NOP58: variants seen among roughly 807,000 people sequenced by gnomAD.
NOP58 encodes NOP58 ribonucleoprotein, also known as nucleolar protein 58.
Under a neutral mutation model 71.2 loss-of-function variants are expected in NOP58, and 44 were observed. That is an observed-to-expected ratio of 0.62 (90% CI 0.49 to 0.79). NOP58 has a LOEUF of 0.79. Ranked by LOEUF, NOP58 falls within the 30% of genes least tolerant of loss-of-function variation. The pLI is 0.00. For synonymous variants in NOP58, 228 were observed against 200.3 expected, an observed-to-expected ratio of 1.14 and a Z score of -1.17; for missense variants, 538 against 620.2, an observed-to-expected ratio of 0.87 and a Z score of 1.41.
At chr2:202,268,395 C>T (rs1237120459) in intron 1 of NOP58, among the ~76,000 whole-genome samples, 4 of 151,494 alleles carry the variant, frequency 2.6e-5, no homozygotes, top group Admixed American at 2.6e-4. Context: ...ATTAGCTGGG[C>T]GTGGTGGTGT....
chr2:202,268,782 T>C (rs1269404250), intron 1 of NOP58, among the ~76,000 whole-genome samples: 1 of 151,320 alleles, frequency 6.6e-6, no homozygotes, highest in African/African-American at 2.4e-5. Flanking sequence ...CAGCTAATTT[T>C]GTATGTTTAG....
intron 12 of NOP58, among the ~76,000 whole-genome samples, chr2:202,298,952 A>ATTTTTTT (rs3043921): frequency 1.2e-5 from 1 of 81,436 alleles, no homozygotes; most frequent in Non-Finnish European, 2.3e-5. Context: ...ATCCTTCAAG[A>ATTTTTTT]TTTTTTTTTT....
intron 3 of NOP58, 52 bp downstream of exon 3, chr2:202,278,054 G>A (rs773061517): frequency 2.5e-5 from 28 of 1,133,372 alleles, no homozygotes; most frequent in Admixed American, 1.4e-4. Context: ...AGTCTTAGCC[G>A]TTTGTTTTTC....
At chr2:202,296,000 A>G (rs1688980775) in intron 10 of NOP58, among the ~76,000 whole-genome samples, 163 bp downstream of exon 10, 1 of 152,172 alleles carries the variant, frequency 6.6e-6, no homozygotes. Context: ...TGTACACTGA[A>G]GGATAAGGTT....
At chr2:202,269,724 G>A (rs1273615444) in intron 1 of NOP58, among the ~76,000 whole-genome samples, 2 of 152,028 alleles carry the variant, frequency 1.3e-5, no homozygotes, top group Admixed American at 6.6e-5. Flanking sequence ...CTGGGCGACA[G>A]GGCAAGACTC....
intron 5 of NOP58, among the ~76,000 whole-genome samples, chr2:202,285,008 T>C (rs1173471807): frequency 2.6e-5 from 4 of 151,986 alleles, no homozygotes; most frequent in Non-Finnish European, 5.9e-5. Context: ...TAGCAAGAAA[T>C]ATGTCTCTCT....
chr2:202,297,700 C>CAAATG, intron 11 of NOP58, 145 bp from the exon 12 acceptor site: 1 of 796,716 alleles, frequency 1.3e-6, no homozygotes, highest in Non-Finnish European at 2.0e-6. Context: ...ACTGCATTTG[C>CAAATG]CATTAGGATA....
At chr2:202,272,552 A>G (rs1469142808) in intron 1 of NOP58, among the ~76,000 whole-genome samples, 1 of 152,210 alleles carries the variant, frequency 6.6e-6, no homozygotes, top group African/African-American at 2.4e-5. Flanking sequence ...ACAACTACAA[A>G]GCCTAGAGTT....
At chr2:202,303,080 G>A in intron 14 of NOP58, 23 bp downstream of exon 14, 1 of 1,603,170 alleles carries the variant, frequency 6.2e-7, no homozygotes, top group Non-Finnish European at 8.5e-7. Context: ...TTAATTATCG[G>A]TTTTCACTTG....
At chr2:202,282,664 A>G (rs1322503776) in intron 4 of NOP58, among the ~76,000 whole-genome samples, 192 bp downstream of exon 4, 1 of 152,186 alleles carries the variant, frequency 6.6e-6, no homozygotes, top group Non-Finnish European at 1.5e-5. Flanking sequence ...TATTTGTTCT[A>G]GAAGATATAG....
At chr2:202,289,552 A>C (rs1252522869) in intron 6 of NOP58, among the ~76,000 whole-genome samples, 3 of 152,200 alleles carry the variant, frequency 2.0e-5, no homozygotes, top group Non-Finnish European at 2.9e-5. Flanking sequence ...GTGTTTGCAA[A>C]TACTCTGAAA....
rs749940707 is a variant in NOP58 at position 202,265,933 on chromosome 2, G to A, written c.-9G>A. On this transcript the variant is annotated 5_prime_UTR_variant, in exon 1 of 15. Transcript: ENST00000264279. ...GGCAGGCCGTGCGGCGCCCTGACCC[G>A]GCCTCACCATGTTGGTGCTGTTTGA... 9.9e-6 allele frequency: 16 copies of A among 1,614,184 alleles called. No individual in the cohort carries two copies. The Admixed American group carries it at 1.7e-4, about 17-fold the overall frequency.
At chr2:202,290,739 C>T (rs547768429) in intron 7 of NOP58, among the ~76,000 whole-genome samples, 3 of 152,302 alleles carry the variant, frequency 2.0e-5, no homozygotes, top group South Asian at 2.1e-4. Flanking sequence ...TTGTCGTTAA[C>T]GTACAGAGGA....
chr2:202,291,158 C>G lies in NOP58; in HGVS notation c.668C>G (p.Ser223Cys), dbSNP rs774201451. 6.2e-7 allele frequency: 1 copy of G among 1,612,690 alleles called. No individual in the cohort carries two copies. The highest frequency in any genetic ancestry group is 1.1e-5 in the South Asian group (1 of 90,710). Residue 223 changes from serine (S) to cysteine (C), a missense_variant, in exon 8 of 15, where the codon TCT becomes TGT. Physicochemically the swap from Ser to Cys is moderately radical, Grantham distance 112. Coordinates refer to ENST00000264279, the MANE Select transcript of NOP58 (RefSeq NM_015934.5). ...AAGAACTATGCCTCTGCCAAGCTTT[C>G]TGAGTTGCTGCCAGAAGAAGTTGAA... ...DRKNYASAKL[S>C]ELLPEEVEAE... is the part of the protein sequence containing the mutation.
intron 3 of NOP58, among the ~76,000 whole-genome samples, chr2:202,280,269 G>A (rs1292998105): frequency 6.6e-6 from 1 of 152,016 alleles, no homozygotes; most frequent in Non-Finnish European, 1.5e-5. Context: ...GAGGGGCTAA[G>A]ATGGGCAGGA....
At position 202,273,943 on chromosome 2, in the gene NOP58, GAAAAA is replaced by G. The variant is rs71031882; in HGVS notation, c.46-1159_46-1155del. 3.3e-5 allele frequency among the ~76,000 whole-genome samples: 3 copies of G among 90,136 alleles called. No homozygotes were observed. In the South Asian group the frequency reaches 9.7e-4, roughly 29 times the overall value. The allele number at this position is 90,136 out of a possible 152,430, so 59.1% of individuals were successfully genotyped here. ...GGCGACAGAGTGAGACTCCATCTCA[GAAAAA>G]AAAAAAAAAAGCCATTTACTGTGAT... is the stretch of plus-strand genomic sequence containing the variant. On this transcript the variant is annotated intron_variant, in intron 1 of 14. Coordinates refer to ENST00000264279, the MANE Select transcript of NOP58 (RefSeq NM_015934.5).
intron 1 of NOP58, among the ~76,000 whole-genome samples, chr2:202,273,285 T>C (rs1174195911): frequency 2.6e-5 from 4 of 152,146 alleles, no homozygotes; most frequent in African/African-American, 9.7e-5. Flanking sequence ...AATAAAACCA[T>C]TGTGTTCCCA....
chr2:202,292,577 G>A (rs1054336041), intron 8 of NOP58, among the ~76,000 whole-genome samples, 200 bp from the exon 9 acceptor site: 1 of 151,894 alleles, frequency 6.6e-6, no homozygotes, highest in Non-Finnish European at 1.5e-5. Context: ...GGCGGAGATT[G>A]CTGTGAGCTG....
At chr2:202,268,550 T>C (rs1380498306) in intron 1 of NOP58, among the ~76,000 whole-genome samples, 1 of 151,256 alleles carries the variant, frequency 6.6e-6, no homozygotes. Context: ...AAAAAAATTA[T>C]ATTGGATGCA....
Sources: gnomAD v4.1 joint callset for allele counts (sites outside exome capture counted in the v4.1 genomes callset) on GRCh38, gnomAD v4.1.1 for gene constraint, MANE v1.5 for transcripts, NCBI Gene and HGNC (gene_info 2026-07-23, HGNC 2026-07-21) for gene names.